The following SNX31 variants were observed in gnomAD, a reference collection of about 807,000 sequenced individuals.
The protein encoded by SNX31 is sorting nexin-31.
SNX31 carries 58 observed loss-of-function variants against 65.4 expected under a neutral mutation model. The ratio of observed to expected loss-of-function variants is 0.89; its 90% CI spans 0.72 to 1.10. The LOEUF is 1.10. Among genes scored for constraint, SNX31 ranks in the 50% least tolerant of loss-of-function variants. SNX31 has a pLI of 0.00. For missense variants in SNX31, 523 were observed against 529.7 expected (o/e 0.99, Z 0.12); for synonymous variants, 181 against 190.1 (o/e 0.95, Z 0.39).
intron 8 of SNX31, among the ~76,000 whole-genome samples, chr8:100,602,141 C>T (rs566029442): frequency 6.6e-6 from 1 of 152,364 alleles, no homozygotes; most frequent in South Asian, 2.1e-4. Flanking sequence ...CAGTGTCTTA[C>T]ATATGGCAAT....
chr8:100,618,365 C>T (rs1264324453), intron 4 of SNX31: 4 of 1,533,048 alleles, frequency 2.6e-6, no homozygotes, highest in African/African-American at 2.7e-5. Context: ...CCCTAAAGCC[C>T]ATATCCCTGA....
rs574353667 is a variant in SNX31 at position 100,575,452 on chromosome 8, G to A, written c.1228-1492C>T. 3.3e-5 allele frequency among the ~76,000 whole-genome samples: 5 copies of A among 152,166 alleles called. No individual in the cohort carries two copies. Among genetic ancestry groups the A allele is most frequent in the Non-Finnish European group, 7.3e-5 (5 of 68,038 alleles). On this transcript the variant is annotated intron_variant, in intron 13 of 13. Coordinates refer to ENST00000311812, the MANE Select transcript of SNX31 (RefSeq NM_152628.4). This position sits in a 1 kb window ranked among gnomAD's most constrained non-coding sequence, Gnocchi z 5.1. ...ATAGTTGGACACTAGGTCTCTTTCC[G>A]ACCTGCTGGTCCTACTCACAGCATG...
chr8:100,579,301 C>T (rs1813302575), intron 12 of SNX31, among the ~76,000 whole-genome samples: 2 of 152,134 alleles, frequency 1.3e-5, no homozygotes, highest in Admixed American at 6.5e-5. Context: ...TGACTTCTTG[C>T]AATAAGGCCT....
intron 2 of SNX31, among the ~76,000 whole-genome samples, chr8:100,642,914 G>A (rs1204511501): frequency 6.6e-6 from 1 of 152,152 alleles, no homozygotes; most frequent in Non-Finnish European, 1.5e-5. Context: ...GAACAGGGCG[G>A]GCGTGATGGC....
rs953520210 is a variant in SNX31 at position 100,613,775 on chromosome 8, G to C, written c.433-690C>G. Among the ~76,000 whole-genome samples, 1 of 152,208 alleles carries C rather than the reference G, an allele frequency of 6.6e-6. No homozygotes were observed. Among genetic ancestry groups the C allele is most frequent in the African/African-American group, 2.4e-5 (1 of 41,512 alleles). ...ACCAGGGTGTCACCTCACAGCATTG[G>C]ACATCTACTCACGCTCCCTTAGCAG... On this transcript the variant is annotated intron_variant, in intron 5 of 13. Coordinates refer to ENST00000311812, the MANE Select transcript of SNX31 (RefSeq NM_152628.4). This position sits in a 1 kb window ranked among gnomAD's most constrained non-coding sequence, Gnocchi z 5.2.
chr8:100,629,299 T>C lies in SNX31; in HGVS notation c.321+1028A>G, dbSNP rs1818267411. 2.0e-5 allele frequency among the ~76,000 whole-genome samples: 3 copies of C among 152,196 alleles called. No individual in the cohort carries two copies. The stretch of plus-strand genomic sequence containing the variant: ...GAGGGGGATCATAAGGGAAGAAAAG[T>C]TACTTTTCATTGTATACGCTTGGCT... On this transcript the variant is annotated intron_variant, in intron 4 of 13. Coordinates refer to ENST00000311812, the MANE Select transcript of SNX31 (RefSeq NM_152628.4). The surrounding 1 kb of genome is among the most constrained non-coding windows in gnomAD (Gnocchi z 5.1).
chr8:100,628,376 G>C (rs1340460053), intron 4 of SNX31, among the ~76,000 whole-genome samples: 1 of 152,186 alleles, frequency 6.6e-6, no homozygotes, highest in African/African-American at 2.4e-5. Context: ...TTAAGAAAAT[G>C]TGGCACATAT....
chr8:100,646,697 T>C (rs1303189472), intron 2 of SNX31, among the ~76,000 whole-genome samples: 1 of 152,182 alleles, frequency 6.6e-6, no homozygotes, highest in Non-Finnish European at 1.5e-5. Context: ...AATTTTAACC[T>C]CGATCATGGT....
intron 1 of SNX31, among the ~76,000 whole-genome samples, chr8:100,657,511 C>T (rs1024626915): frequency 2.6e-5 from 4 of 151,496 alleles, no homozygotes; most frequent in African/African-American, 7.3e-5. Context: ...AAGGGAGCCC[C>T]GAGGCTGCCT....
chr8:100,631,241 A>C (rs1005107760), intron 3 of SNX31, among the ~76,000 whole-genome samples: 4 of 152,142 alleles, frequency 2.6e-5, no homozygotes, highest in Admixed American at 6.6e-5. Flanking sequence ...AATAGCCAGG[A>C]GATATGGGCA....
intron 2 of SNX31, among the ~76,000 whole-genome samples, chr8:100,639,026 T>C (rs189589383): frequency 5.3e-5 from 8 of 152,284 alleles, no homozygotes; most frequent in Non-Finnish European, 7.4e-5. Context: ...TATAAAAAGA[T>C]CAACAGCCAC....
At chr8:100,655,014 A>AAAAAC (rs1210949403) in intron 1 of SNX31, among the ~76,000 whole-genome samples, 17 of 152,298 alleles carry the variant, frequency 1.1e-4, no homozygotes, top group Admixed American at 8.5e-4. Flanking sequence ...ATCCGTCTCA[A>AAAAAC]AAAACAAAAC....
At chr8:100,577,863 C>T (rs1209588402) in intron 12 of SNX31, among the ~76,000 whole-genome samples, 1 of 152,202 alleles carries the variant, frequency 6.6e-6, no homozygotes, top group East Asian at 1.9e-4. Flanking sequence ...AAACACCCTA[C>T]TCTCACTTTT....
intron 1 of SNX31, among the ~76,000 whole-genome samples, chr8:100,657,545 G>T (rs190078372): frequency 6.6e-6 from 1 of 152,312 alleles, no homozygotes; most frequent in East Asian, 1.9e-4. Context: ...GAACAGGCTT[G>T]CTGGCCAAGG....
chr8:100,579,732 G>A (rs1176246496), intron 12 of SNX31, among the ~76,000 whole-genome samples: 1 of 152,180 alleles, frequency 6.6e-6, no homozygotes, highest in Non-Finnish European at 1.5e-5. Context: ...TGGAGTAAGA[G>A]GTGTAAGGTA....
intron 2 of SNX31, among the ~76,000 whole-genome samples, chr8:100,641,561 AAAAAATATATATAT>A (rs1819190470): frequency 3.5e-5 from 1 of 28,714 alleles, no homozygotes; most frequent in African/African-American, 2.3e-4. Context: ...AAAAAAAAAA[AAAAAATATATATAT>A]ATATATATAT....
rs77018585 is a variant in SNX31, at chr8:100,575,395, A to T, written c.1228-1435T>A. 6.2e-4 allele frequency among the ~76,000 whole-genome samples: 94 copies of T among 152,388 alleles called. No homozygotes were observed. Among genetic ancestry groups the T allele is most frequent in the Non-Finnish European group, 1.2e-3 (81 of 68,040 alleles). ...GTTCATGGCTCAGGATAAGGTCTAT[A>T]CAACAGTTTGCAAAATAAATTAAAA... On this transcript the variant is annotated intron_variant, in intron 13 of 13. Coordinates refer to ENST00000311812, the MANE Select transcript of SNX31 (RefSeq NM_152628.4). The surrounding 1 kb of genome is among the most constrained non-coding windows in gnomAD (Gnocchi z 5.1).
chr8:100,583,803 T>A (rs2130813623), intron 12 of SNX31, among the ~76,000 whole-genome samples: 1 of 152,260 alleles, frequency 6.6e-6, no homozygotes, highest in East Asian at 1.9e-4. Context: ...CTGTAATAAA[T>A]CTGAAAGCCT....
chr8:100,616,029 C>T (rs1025808566), intron 5 of SNX31, among the ~76,000 whole-genome samples: 1 of 152,190 alleles, frequency 6.6e-6, no homozygotes, highest in African/African-American at 2.4e-5. Flanking sequence ...CCACCTTGGC[C>T]TCCCAAAGTG....
Sources: allele counts gnomAD v4.1 joint callset (sites outside exome capture counted in the v4.1 genomes callset), GRCh38; gene constraint gnomAD v4.1.1; non-coding constraint Gnocchi (gnomAD v3.1); transcripts MANE v1.5; gene names NCBI Gene and HGNC (gene_info 2026-07-23, HGNC 2026-07-21).